The following MTAP variants were observed in gnomAD, a reference collection of about 807,000 sequenced individuals.
The protein encoded by MTAP is methylthioadenosine phosphorylase, also known as S-methyl-5'-thioadenosine phosphorylase.
MTAP carries 33 observed loss-of-function variants against 33.6 expected under a neutral mutation model. The ratio of observed to expected loss-of-function variants is 0.98; its 90% CI spans 0.74 to 1.31. The LOEUF (loss-of-function observed/expected upper bound fraction) is 1.31. MTAP is among the 40% of genes most tolerant of loss of function. The probability of loss-of-function intolerance (pLI) is 0.00; values close to 1 mark genes in which losing one functional copy is unlikely to be tolerated. For missense variants in MTAP, 367 were observed against 360.0 expected (o/e 1.02, Z -0.16); for synonymous variants, 148 against 125.7 (o/e 1.18, Z -1.19).
intron 4 of MTAP, among the ~76,000 whole-genome samples, chr9:21,824,534 C>G (rs184531658): frequency 6.6e-6 from 1 of 152,190 alleles, no homozygotes; most frequent in Non-Finnish European, 1.5e-5. Context: ...TCACAGTTAG[C>G]CTACTCGGGG....
In MTAP at chr9:21,892,094, A is replaced by G. The variant is rs570737605; in HGVS notation, c.147+37224A>G. 2.0e-5 allele frequency: 3 copies of G among 152,356 alleles called. No individual in the cohort carries two copies. The East Asian group carries it at 5.8e-4, about 29-fold the overall frequency. The allele number at this position is 152,356 out of a possible 1,614,324, so 9.4% of individuals were successfully genotyped here. ...AATGCTAAGGGAATTTGTTACCATCAGACTTACCATACAAGTCCTAAAGGA... is the reference window on the plus strand; with the variant it reads ...AATGCTAAGGGAATTTGTTACCATCGGACTTACCATACAAGTCCTAAAGGA... On this transcript the variant is annotated intron_variant, in intron 1 of 1. Coordinates refer to the MTAP transcript ENST00000577563.
chr9:21,842,556 C>T (rs1563842929), intron 5 of MTAP, among the ~76,000 whole-genome samples: 1 of 152,210 alleles, frequency 6.6e-6, no homozygotes, highest in Non-Finnish European at 1.5e-5. Context: ...GCAGACTTCT[C>T]AGCAGAAATC....
chr9:21,910,936 A>T (rs192163634), intron 1 of MTAP, among the ~76,000 whole-genome samples: 2 of 152,324 alleles, frequency 1.3e-5, no homozygotes, highest in Admixed American at 1.3e-4. Flanking sequence ...TTGGAGGAAG[A>T]TCTACCAACC....
chr9:21,861,720 TATC>T (rs1232745165), intron 7 of MTAP: 1 of 500,026 alleles, frequency 2.0e-6, no homozygotes. Flanking sequence ...AATAAGTGAT[TATC>T]AGAACAATGC....
At chr9:21,879,215 C>T (rs1486991028) in intron 1 of MTAP, among the ~76,000 whole-genome samples, 1 of 152,062 alleles carries the variant, frequency 6.6e-6, no homozygotes, top group Non-Finnish European at 1.5e-5. Flanking sequence ...TAAGAACTTG[C>T]TTTATGAATC....
chr9:21,805,540 G>A (rs754470266), intron 1 of MTAP, among the ~76,000 whole-genome samples: 1 of 152,238 alleles, frequency 6.6e-6, no homozygotes, highest in Non-Finnish European at 1.5e-5. Context: ...AAGCTGTGCA[G>A]TAGTCTGCCT....
downstream of MTAP, among the ~76,000 whole-genome samples, chr9:21,938,972 A>G (rs1255594199): frequency 6.6e-6 from 1 of 152,202 alleles, no homozygotes; most frequent in Non-Finnish European, 1.5e-5. Context: ...CTGTGTCCCT[A>G]CTGAAATCTC....
intron 5 of MTAP, among the ~76,000 whole-genome samples, chr9:21,842,398 C>T (rs973198994): frequency 3.9e-5 from 6 of 152,148 alleles, no homozygotes; most frequent in African/African-American, 1.4e-4. Flanking sequence ...ATACAAGAAG[C>T]TCAAAGAACA....
chr9:21,813,951 T>C (rs1824413885), intron 1 of MTAP: 1 of 152,220 alleles, frequency 6.6e-6, no homozygotes, highest in Non-Finnish European at 1.5e-5. Context: ...AAGTGAACAC[T>C]TCTGTTGATT....
At chr9:21,809,284 C>A (rs1026056629) in intron 1 of MTAP, among the ~76,000 whole-genome samples, 2 of 152,084 alleles carry the variant, frequency 1.3e-5, no homozygotes, top group South Asian at 2.1e-4. Flanking sequence ...TAGGATGTAG[C>A]TAGGATCTCT....
Position 21,865,635 on chromosome 9 carries a change from A to G in MTAP, c.*3621A>G. The G allele has an allele frequency of 1.0e-6, 1 of 990,932 alleles. No individual in the cohort carries two copies. The highest frequency in any genetic ancestry group is 1.2e-6 in the Non-Finnish European group (1 of 832,688). 61.4% of individuals were successfully genotyped at this position (990,932 alleles called of 1,614,324 possible). A position where few individuals can be genotyped will look rare whatever the true frequency, so the allele number is the denominator to read the frequency against. Reference sequence around the variant, plus strand: ...AGCAGTAAATGAAGACCATGGAAGAAAAGAAGGAATGCCAAAGATCGAGGA... The same window carrying G: ...AGCAGTAAATGAAGACCATGGAAGAGAAGAAGGAATGCCAAAGATCGAGGA... On this transcript the variant is annotated 3_prime_UTR_variant, in exon 8 of 8. Transcript: ENST00000644715.
chr9:21,883,135 A>C (rs908548822), intron 1 of MTAP, among the ~76,000 whole-genome samples: 24 of 152,108 alleles, frequency 1.6e-4, no homozygotes, highest in African/African-American at 4.1e-4. Flanking sequence ...GAAAAAAAAA[A>C]CAAAAACTGG....
intron 1 of MTAP, among the ~76,000 whole-genome samples, chr9:21,811,096 C>T (rs182310190): frequency 9.2e-5 from 14 of 152,336 alleles, no homozygotes; most frequent in Admixed American, 6.5e-4. Context: ...AGCTCTGGCT[C>T]GCTTACCTTA....
exon 8 of MTAP, chr9:21,936,465 A>G (rs948949683): frequency 2.6e-5 from 4 of 152,224 alleles, no homozygotes; most frequent in African/African-American, 4.8e-5. Flanking sequence ...AGTTTTGCTA[A>G]ACTAAATTAG....
chr9:21,833,963 A>G (rs1318966036), intron 4 of MTAP, among the ~76,000 whole-genome samples: 1 of 151,922 alleles, frequency 6.6e-6, no homozygotes, highest in African/African-American at 2.4e-5. Flanking sequence ...TCCTGCCAGC[A>G]CACATCATTT....
rs1427077516 is a variant in MTAP at position 21,862,846 on chromosome 9, A to T, written c.*832A>T. ...TATTTGGGGGAGGGATACTGGGATA[A>T]TTTTTATTTTCTTTGAATCTTTCTG... On this transcript the variant is annotated 3_prime_UTR_variant, in exon 8 of 8. Transcript: ENST00000644715. 3 of 672,414 alleles carry T rather than the reference A, an allele frequency of 4.5e-6. No individual in the cohort carries two copies. Among genetic ancestry groups the T allele is most frequent in the African/African-American group, 2.0e-5 (1 of 50,268 alleles). 41.7% of individuals were successfully genotyped at this position (672,414 alleles called of 1,614,324 possible). A position where few individuals can be genotyped will look rare whatever the true frequency, so the allele number is the denominator to read the frequency against.
At chr9:21,907,331 C>A (rs974899765) in intron 1 of MTAP, among the ~76,000 whole-genome samples, 4 of 152,160 alleles carry the variant, frequency 2.6e-5, no homozygotes, top group African/African-American at 9.7e-5. Flanking sequence ...CCGAGGTGGG[C>A]AGATTGCTTG....
At chr9:21,937,940 G>T (rs1819066872), downstream of MTAP, among the ~76,000 whole-genome samples, 1 of 152,120 alleles carries the variant, frequency 6.6e-6, no homozygotes, top group South Asian at 2.1e-4. Context: ...GGGAGTTTGA[G>T]ACCAGCGTGA....
At chr9:21,912,396 A>C (rs1439088361) in intron 1 of MTAP, among the ~76,000 whole-genome samples, 1 of 152,234 alleles carries the variant, frequency 6.6e-6, no homozygotes, top group Admixed American at 6.5e-5. Flanking sequence ...AAATACTGGC[A>C]AACCGAATCC....
Sources: gnomAD v4.1 joint callset for allele counts (sites outside exome capture counted in the v4.1 genomes callset) on GRCh38, gnomAD v4.1.1 for gene constraint, MANE v1.5 for transcripts, NCBI Gene and HGNC (gene_info 2026-07-23, HGNC 2026-07-21) for gene names.